The following PDS5B variants were observed in gnomAD, a reference collection of about 807,000 sequenced individuals.
PDS5B encodes the protein PDS5 cohesin associated factor B.
PDS5B carries 51 observed loss-of-function variants against 184.1 expected under a neutral mutation model. That is an observed-to-expected ratio of 0.28 (90% CI 0.22 to 0.35). PDS5B has a LOEUF of 0.35. Ranked by LOEUF, PDS5B falls within the 10% of genes least tolerant of loss-of-function variation. PDS5B has a pLI of 1.00. For missense variants in PDS5B, 1,180 were observed against 1,723.3 expected (o/e 0.68, Z 5.58); for synonymous variants, 566 against 569.2 (o/e 0.99, Z 0.08).
intron 14 of PDS5B, among the ~76,000 whole-genome samples, chr13:32,695,737 A>G (rs1226256927): frequency 1.3e-5 from 2 of 151,958 alleles, no homozygotes; most frequent in South Asian, 2.1e-4. Context: ...AAATTTATGT[A>G]TTTAGTTGGA....
At chr13:32,655,721 A>T (rs969336662) in intron 3 of PDS5B, among the ~76,000 whole-genome samples, 1 of 151,976 alleles carries the variant, frequency 6.6e-6, no homozygotes, top group Non-Finnish European at 1.5e-5. Flanking sequence ...AGTTCCTTAT[A>T]CCTTCTTGAT....
intron 31 of PDS5B, among the ~76,000 whole-genome samples, chr13:32,765,816 G>C (rs369363190): frequency 1.3e-5 from 2 of 152,194 alleles, no homozygotes; most frequent in African/African-American, 4.8e-5. Context: ...TGGCCAGGCT[G>C]GTCTCAAACG....
chr13:32,701,279 T>G lies in PDS5B; in HGVS notation c.1741-44T>G, dbSNP rs146460449. 2,632 of 983,522 alleles carry G rather than the reference T, an allele frequency of 2.7e-3. 33 individuals are homozygous for G. The highest frequency in any genetic ancestry group is 3.5e-3 in the Non-Finnish European group (2,157 of 622,526). The allele number at this position is 983,522 out of a possible 1,614,324, so 60.9% of individuals were successfully genotyped here. On this transcript the variant is annotated intron_variant, in intron 16 of 34. Transcript: ENST00000315596. Reference sequence around the variant, plus strand: ...TTCTTAATATTTTAACATAATGATTTGTTTAAATGTACTTTTGTAATACTG... The same window carrying G: ...TTCTTAATATTTTAACATAATGATTGGTTTAAATGTACTTTTGTAATACTG...
intron 1 of PDS5B, among the ~76,000 whole-genome samples, chr13:32,613,549 GT>G (rs149328967): frequency 0.019 from 2,916 of 152,180 alleles, 43 homozygotes; most frequent in South Asian, 0.038. Flanking sequence ...CTGGAAAACT[GT>G]CTATTCATAT....
intron 6 of PDS5B, among the ~76,000 whole-genome samples, chr13:32,659,712 C>T (rs1197572904): frequency 3.9e-5 from 6 of 151,974 alleles, no homozygotes; most frequent in Non-Finnish European, 5.9e-5. Flanking sequence ...TTCTTGCCTG[C>T]GTGATTAATT....
At chr13:32,647,007 TAAA>T (rs1950245149) in intron 1 of PDS5B, among the ~76,000 whole-genome samples, 1 of 152,204 alleles carries the variant, frequency 6.6e-6, no homozygotes, top group African/African-American at 2.4e-5. Context: ...GTGTGTGCTC[TAAA>T]TTTTGTTTGT....
chr13:32,775,194 A>AC lies in PDS5B; in HGVS notation c.*146dup. 1.5e-6 allele frequency: 1 copy of AC among 684,068 alleles called. No homozygotes were observed. Among genetic ancestry groups the AC allele is most frequent in the Non-Finnish European group, 2.5e-6 (1 of 405,760 alleles). The allele number at this position is 684,068 out of a possible 1,614,324, so 42.4% of individuals were successfully genotyped here. Reference sequence around the variant, plus strand: ...TGGACAGTTGGACCTTACTTTGGTGACCCCATACATTTGTGGTCACATGCT... The same window carrying AC: ...TGGACAGTTGGACCTTACTTTGGTGACCCCCATACATTTGTGGTCACATGCT... On this transcript the variant is annotated 3_prime_UTR_variant, in exon 35 of 35. Coordinates refer to ENST00000315596, the MANE Select transcript of PDS5B (RefSeq NM_015032.4).
At chr13:32,728,977 G>A (rs376860891) in intron 19 of PDS5B, among the ~76,000 whole-genome samples, 3 of 152,080 alleles carry the variant, frequency 2.0e-5, no homozygotes, top group East Asian at 3.9e-4. Context: ...TGTGCAGAAC[G>A]TGGAGGTTTG....
At chr13:32,744,167 G>A (rs1019972922) in intron 23 of PDS5B, among the ~76,000 whole-genome samples, 3 of 152,050 alleles carry the variant, frequency 2.0e-5, no homozygotes, top group East Asian at 1.9e-4. Flanking sequence ...TAACTTCTAC[G>A]TGTCTTAGAT....
At chr13:32,745,673 T>C (rs1003041020) in intron 23 of PDS5B, among the ~76,000 whole-genome samples, 1 of 152,166 alleles carries the variant, frequency 6.6e-6, no homozygotes, top group African/African-American at 2.4e-5. Context: ...TGCTGACTTC[T>C]TGCTGTGTCC....
Position 32,675,972 on chromosome 13 carries a change from G to C in PDS5B, c.962+13G>C. 6.5e-7 allele frequency: 1 copy of C among 1,537,166 alleles called. No individual in the cohort carries two copies. Among genetic ancestry groups the C allele is most frequent in the Non-Finnish European group, 9.0e-7 (1 of 1,110,784 alleles). ...GCTACTTGGGCAGGTATATGATTTT[G>C]GTTTCCCATTTAAAAGTAATACATT... is the stretch of plus-strand genomic sequence containing the variant. On this transcript the variant is annotated intron_variant, in intron 9 of 34. Transcript: ENST00000315596.
intron 19 of PDS5B, among the ~76,000 whole-genome samples, chr13:32,727,009 T>C (rs1275707212): frequency 6.6e-6 from 1 of 152,196 alleles, no homozygotes; most frequent in Non-Finnish European, 1.5e-5. Flanking sequence ...ATATTGGTTG[T>C]TTTGAATCCA....
chr13:32,766,213 A>C (rs182793362), intron 31 of PDS5B, among the ~76,000 whole-genome samples: 258 of 152,294 alleles, frequency 1.7e-3, no homozygotes, highest in Non-Finnish European at 2.8e-3. Context: ...ACTCATACCC[A>C]CACCTATAGT....
intron 19 of PDS5B, among the ~76,000 whole-genome samples, chr13:32,724,498 G>T (rs1952828236): frequency 3.3e-5 from 5 of 152,144 alleles, no homozygotes; most frequent in Admixed American, 3.3e-4. Context: ...CAGGAATCAG[G>T]TTGTTTCTCT....
intron 31 of PDS5B, among the ~76,000 whole-genome samples, chr13:32,768,793 A>C (rs1428164733): frequency 2.4e-5 from 2 of 84,014 alleles, no homozygotes; most frequent in Non-Finnish European, 5.5e-5. Flanking sequence ...ACTCTGTCTC[A>C]AAAAAAAAAA....
chr13:32,619,279 G>A (rs1170863873), intron 1 of PDS5B, among the ~76,000 whole-genome samples: 2 of 152,164 alleles, frequency 1.3e-5, no homozygotes, highest in Admixed American at 6.5e-5. Context: ...GAGATGCTTT[G>A]TTAGGCAATT....
chr13:32,686,677 C>T, intron 11 of PDS5B, among the ~76,000 whole-genome samples: 1 of 152,056 alleles, frequency 6.6e-6, no homozygotes, highest in East Asian at 1.9e-4. Context: ...CCCAGCTACT[C>T]TGGAGGCTGA....
intron 1 of PDS5B, among the ~76,000 whole-genome samples, chr13:32,643,611 T>C (rs1950152494): frequency 6.6e-6 from 1 of 152,184 alleles, no homozygotes; most frequent in African/African-American, 2.4e-5. Context: ...GTATTTGTAC[T>C]GTATCTTTTC....
At chr13:32,669,455 TGTTAGA>T (rs1950879307) in intron 7 of PDS5B, among the ~76,000 whole-genome samples, 1 of 152,148 alleles carries the variant, frequency 6.6e-6, no homozygotes, top group African/African-American at 2.4e-5. Context: ...TGATGATACT[TGTTAGA>T]GTTAGATGAT....
Sources: allele counts gnomAD v4.1 joint callset (sites outside exome capture counted in the v4.1 genomes callset), GRCh38; gene constraint gnomAD v4.1.1; transcripts MANE v1.5; gene names NCBI Gene and HGNC (gene_info 2026-07-23, HGNC 2026-07-21).